FOCAD: variants seen among roughly 807,000 people sequenced by gnomAD.
FOCAD encodes the protein KIAA1797.
Under a neutral mutation model 225.6 loss-of-function variants are expected in FOCAD, and 198 were observed. That is an observed-to-expected ratio of 0.88 (90% CI 0.78 to 0.99). The LOEUF (loss-of-function observed/expected upper bound fraction) is 0.99, where lower values mean the gene tolerates loss of function less well. FOCAD is among the 50% of genes least tolerant of loss of function. The pLI is 0.00. For synonymous variants in FOCAD, 897 were observed against 755.0 expected (o/e 1.19, Z -3.08); for missense variants, 2,713 against 2,123.6 (o/e 1.28, Z -5.46).
intron 2 of FOCAD, among the ~76,000 whole-genome samples, chr9:20,675,381 T>G (rs1036818418): frequency 3.9e-5 from 6 of 152,208 alleles, no homozygotes; most frequent in Admixed American, 1.3e-4. Context: ...TGTCATGCTT[T>G]TAAGGCACAG....
At chr9:20,898,201 C>A (rs1191509648) in intron 21 of FOCAD, among the ~76,000 whole-genome samples, 1 of 151,720 alleles carries the variant, frequency 6.6e-6, no homozygotes, top group East Asian at 1.9e-4. Context: ...ATACAATATA[C>A]AAATACCTAT....
upstream of FOCAD, among the ~76,000 whole-genome samples, chr9:20,680,910 G>A (rs1822381428): frequency 6.6e-6 from 1 of 152,142 alleles, no homozygotes; most frequent in South Asian, 2.1e-4. Flanking sequence ...GAGGTGGGAG[G>A]ATTGCTTGAG....
intron 6 of FOCAD, among the ~76,000 whole-genome samples, chr9:20,761,602 A>C (rs1240949024): frequency 2.6e-5 from 4 of 151,882 alleles, no homozygotes; most frequent in African/African-American, 9.7e-5. Context: ...TTGTATTTTT[A>C]GTAGAGATGA....
At chr9:20,707,958 A>G (rs920262692) in intron 1 of FOCAD, among the ~76,000 whole-genome samples, 28 of 152,224 alleles carry the variant, frequency 1.8e-4, no homozygotes, top group Non-Finnish European at 3.4e-4. Flanking sequence ...GGAAATACTT[A>G]GGGACTGGGA....
At chr9:20,806,868 C>G (rs1216328438) in intron 11 of FOCAD, among the ~76,000 whole-genome samples, 1 of 151,960 alleles carries the variant, frequency 6.6e-6, no homozygotes, top group Non-Finnish European at 1.5e-5. Context: ...GTCATAGCAC[C>G]CAGTATAATA....
At chr9:20,710,216 C>T (rs1236289335) in intron 1 of FOCAD, among the ~76,000 whole-genome samples, 1 of 150,892 alleles carries the variant, frequency 6.6e-6, no homozygotes, top group Non-Finnish European at 1.5e-5. Context: ...GTACTTGGAT[C>T]CCAGTAGCTG....
chr9:20,906,961 A>T (rs1002751322), intron 21 of FOCAD, among the ~76,000 whole-genome samples, 189 bp from the exon 22 acceptor site: 1 of 152,046 alleles, frequency 6.6e-6, no homozygotes, highest in Non-Finnish European at 1.5e-5. Flanking sequence ...TTTTGTCTTC[A>T]CAAGACTCTA....
At chr9:20,920,252 A>G (rs1332854490) in intron 24 of FOCAD, among the ~76,000 whole-genome samples, 3 of 146,928 alleles carry the variant, frequency 2.0e-5, no homozygotes, top group Non-Finnish European at 4.5e-5. Context: ...GCAAATCAAA[A>G]CCACAATGAG....
rs7038826 is a variant in FOCAD at position 20,781,923 on chromosome 9, C to T, written c.1191C>T (p.His397=). 1.1e-3 allele frequency: 1,743 copies of T among 1,613,422 alleles called. 11 individuals are homozygous for T. The African/African-American group carries it at 0.021, about 19-fold the overall frequency. Residue 397 remains histidine (H), a synonymous_variant, in exon 10 of 44, where the codon CAC becomes CAT. Transcript: ENST00000338382. ...AGCAGGAATGTTACAGAGATGACCA[C>T]CAAAAGGTAATGAATCTATCCTTGT... The part of the protein sequence containing the change: ...MIQQECYRDD[H]QKLSYKLVCP...
intron 19 of FOCAD, among the ~76,000 whole-genome samples, chr9:20,878,709 C>A (rs1830430239): frequency 6.6e-6 from 1 of 152,180 alleles, no homozygotes; most frequent in Admixed American, 6.5e-5. Context: ...AATTGGCTTA[C>A]ATGATTACAG....
chr9:20,781,455 A>G (rs1162562460), intron 9 of FOCAD, among the ~76,000 whole-genome samples: 1 of 151,016 alleles, frequency 6.6e-6, no homozygotes, highest in African/African-American at 2.5e-5. Flanking sequence ...TATTAAGGGC[A>G]AATGTTGAAT....
At chr9:20,928,824 A>G (rs1006662313) in intron 26 of FOCAD, 7 of 152,244 alleles carry the variant, frequency 4.6e-5, no homozygotes, top group African/African-American at 1.7e-4. Context: ...GTTCCCACCA[A>G]AAATTTTGGG....
At chr9:20,851,107 G>T (rs1192867581) in intron 15 of FOCAD, among the ~76,000 whole-genome samples, 1 of 151,076 alleles carries the variant, frequency 6.6e-6, no homozygotes, top group African/African-American at 2.4e-5. Flanking sequence ...GTCAGGGTTT[G>T]TCTTGTCTAT....
At chr9:20,729,001 T>C (rs1563921238) in intron 4 of FOCAD, among the ~76,000 whole-genome samples, 2 of 152,148 alleles carry the variant, frequency 1.3e-5, no homozygotes, top group Non-Finnish European at 2.9e-5. Flanking sequence ...TTAACATCTC[T>C]TGTATATGAG....
intron 28 of FOCAD, among the ~76,000 whole-genome samples, chr9:20,936,164 A>AT (rs1263207713): frequency 6.6e-6 from 1 of 152,198 alleles, no homozygotes; most frequent in Non-Finnish European, 1.5e-5. Context: ...TCTGGTGTTC[A>AT]TTGTTACTAG....
intron 15 of FOCAD, among the ~76,000 whole-genome samples, chr9:20,841,414 G>T (rs1184439760): frequency 2.6e-5 from 4 of 151,488 alleles, no homozygotes; most frequent in African/African-American, 7.2e-5. Flanking sequence ...TTTGATGGAA[G>T]ACTTTATTTT....
At chr9:20,939,661 A>T (rs573720149) in intron 28 of FOCAD, among the ~76,000 whole-genome samples, 15 of 148,714 alleles carry the variant, frequency 1.0e-4, no homozygotes, top group African/African-American at 3.7e-4. Context: ...TTATTTCTTC[A>T]TTCTTACCTT....
chr9:20,750,397 T>C (rs1563942682), intron 5 of FOCAD, among the ~76,000 whole-genome samples: 1 of 152,212 alleles, frequency 6.6e-6, no homozygotes, highest in Non-Finnish European at 1.5e-5. Flanking sequence ...TATGTAGTTC[T>C]TCTATTTGCT....
intron 6 of FOCAD, among the ~76,000 whole-genome samples, chr9:20,759,017 A>G (rs1266503033): frequency 2.0e-5 from 3 of 152,170 alleles, no homozygotes; most frequent in East Asian, 1.9e-4. Context: ...CCCATTCACA[A>G]TTGCTTCAAA....
Sources: gnomAD v4.1 joint callset for allele counts (sites outside exome capture counted in the v4.1 genomes callset) on GRCh38, gnomAD v4.1.1 for gene constraint, MANE v1.5 for transcripts, NCBI Gene and HGNC (gene_info 2026-07-23, HGNC 2026-07-21) for gene names.